The following CDK19 variants were observed in gnomAD, a reference collection of about 807,000 sequenced individuals.
CDK19 encodes the protein cyclin-dependent kinase 19.
Under a neutral mutation model 68.3 loss-of-function variants are expected in CDK19, and 20 were observed. That is an observed-to-expected ratio of 0.29 (90% CI 0.21 to 0.43). The LOEUF (loss-of-function observed/expected upper bound fraction) is 0.43, where lower values mean the gene tolerates loss of function less well. Ranked by LOEUF, CDK19 falls within the 20% of genes least tolerant of loss-of-function variation. The pLI is 1.00. For synonymous variants in CDK19, 221 were observed against 222.8 expected, an observed-to-expected ratio of 0.99 and a Z score of 0.07; for missense variants, 339 against 623.5, an observed-to-expected ratio of 0.54 and a Z score of 4.86.
chr6:110,690,018 T>G (rs567802814), intron 2 of CDK19, among the ~76,000 whole-genome samples: 1 of 152,210 alleles, frequency 6.6e-6, no homozygotes, highest in Admixed American at 6.5e-5. Context: ...ATAGTTGCAG[T>G]GCTGGGCTCA....
At chr6:110,776,369 C>T (rs1283494765) in intron 1 of CDK19, among the ~76,000 whole-genome samples, 1 of 151,270 alleles carries the variant, frequency 6.6e-6, no homozygotes, top group African/African-American at 2.4e-5. Context: ...GTGGAGGTTG[C>T]AGTGAGCCGA....
intron 2 of CDK19, among the ~76,000 whole-genome samples, chr6:110,741,301 A>T (rs1048125189): frequency 3.8e-4 from 49 of 127,448 alleles, no homozygotes; most frequent in Admixed American, 1.3e-3. Flanking sequence ...ACAAAAAATT[A>T]AAAAAAAAAA....
intron 1 of CDK19, among the ~76,000 whole-genome samples, chr6:110,757,171 C>T (rs1778895630): frequency 1.3e-5 from 2 of 152,140 alleles, no homozygotes; most frequent in African/African-American, 4.8e-5. Context: ...CCCTAAACCC[C>T]ACTGGTTGCC....
chr6:110,661,486 A>G (rs546192085), intron 4 of CDK19, among the ~76,000 whole-genome samples: 3 of 152,230 alleles, frequency 2.0e-5, no homozygotes, highest in East Asian at 1.9e-4. Flanking sequence ...ATGTTGCCAG[A>G]CAGGTGTATA....
chr6:110,729,969 G>A (rs1053719343), intron 2 of CDK19, among the ~76,000 whole-genome samples: 23 of 152,102 alleles, frequency 1.5e-4, no homozygotes, highest in South Asian at 2.1e-4. Context: ...TTGTATAACT[G>A]GGTCTCAGAC....
At chr6:110,684,508 C>T (rs1447995006) in intron 2 of CDK19, among the ~76,000 whole-genome samples, 1 of 152,000 alleles carries the variant, frequency 6.6e-6, no homozygotes, top group African/African-American at 2.4e-5. Flanking sequence ...TAGATTCTGG[C>T]TTAAAAGAAA....
intron 2 of CDK19, chr6:110,700,479 C>T (rs1312399078): frequency 6.6e-6 from 1 of 151,900 alleles, no homozygotes; most frequent in African/African-American, 2.4e-5. Flanking sequence ...TGCTGGAGAG[C>T]TCTGGTCTGC....
At chr6:110,666,708 T>C (rs1374636272) in intron 4 of CDK19, among the ~76,000 whole-genome samples, 1 of 152,098 alleles carries the variant, frequency 6.6e-6, no homozygotes, top group African/African-American at 2.4e-5. Context: ...CAAAAGATCA[T>C]GAAATCACGT....
chr6:110,795,071 G>A (rs1781848924), intron 1 of CDK19, among the ~76,000 whole-genome samples: 1 of 151,976 alleles, frequency 6.6e-6, no homozygotes, highest in Non-Finnish European at 1.5e-5. Context: ...CCCTGGCTCA[G>A]GTGTTTCTCC....
At chr6:110,738,517 C>T (rs1362087473) in intron 2 of CDK19, among the ~76,000 whole-genome samples, 1 of 151,844 alleles carries the variant, frequency 6.6e-6, no homozygotes, top group Non-Finnish European at 1.5e-5. Flanking sequence ...AAGACTCTGT[C>T]TCAAAAATAA....
intron 2 of CDK19, among the ~76,000 whole-genome samples, chr6:110,692,298 A>C (rs1445890402): frequency 6.6e-6 from 1 of 151,924 alleles, no homozygotes; most frequent in Non-Finnish European, 1.5e-5. Flanking sequence ...GTCTCAAAAA[A>C]AAAAAAAAGA....
intron 4 of CDK19, among the ~76,000 whole-genome samples, chr6:110,651,225 T>C (rs1337625843): frequency 8.5e-6 from 1 of 117,010 alleles, no homozygotes; most frequent in Non-Finnish European, 1.8e-5. Flanking sequence ...ATAGTTGAAA[T>C]AGATCTACTA....
chr6:110,698,322 A>C (rs1214436576), intron 2 of CDK19, among the ~76,000 whole-genome samples: 1 of 152,162 alleles, frequency 6.6e-6, no homozygotes, highest in Non-Finnish European at 1.5e-5. Flanking sequence ...GAAAAAAAAA[A>C]CAAATAATTC....
chr6:110,753,157 T>G (rs1778590607), intron 1 of CDK19, among the ~76,000 whole-genome samples: 1 of 152,152 alleles, frequency 6.6e-6, no homozygotes, highest in Non-Finnish European at 1.5e-5. Context: ...CTCGAATTCC[T>G]GGGCTCAAGC....
At chr6:110,730,412 T>A (rs1276009542) in intron 2 of CDK19, among the ~76,000 whole-genome samples, 2 of 152,268 alleles carry the variant, frequency 1.3e-5, no homozygotes, top group East Asian at 3.9e-4. Flanking sequence ...CAGAAGAAGT[T>A]TAAACAACAA....
chr6:110,815,197 T>C lies in CDK19; in HGVS notation c.-61A>G. 7.1e-7 allele frequency: 1 copy of C among 1,399,568 alleles called. No homozygotes were observed. The highest frequency in any genetic ancestry group is 9.4e-7 in the Non-Finnish European group (1 of 1,063,488). 86.7% of individuals were successfully genotyped at this position (1,399,568 alleles called of 1,614,324 possible). A position where few individuals can be genotyped will look rare whatever the true frequency, so the allele number is the denominator to read the frequency against. ...GCCGCCGCCGCTCAGTCCCTCCTCCTCCTCCCCCCGCGACCGCCGCTCCAC... is the reference window on the plus strand; with the variant it reads ...GCCGCCGCCGCTCAGTCCCTCCTCCCCCTCCCCCCGCGACCGCCGCTCCAC... On this transcript the variant is annotated 5_prime_UTR_variant, in exon 1 of 13. Coordinates refer to ENST00000368911, the MANE Select transcript of CDK19 (RefSeq NM_015076.5).
At chr6:110,807,303 G>A (rs1782745105) in intron 1 of CDK19, among the ~76,000 whole-genome samples, 1 of 152,110 alleles carries the variant, frequency 6.6e-6, no homozygotes, top group Admixed American at 6.6e-5. Flanking sequence ...AAAGTGTGCA[G>A]CACACTAGCA....
chr6:110,629,986 G>A lies in CDK19; in HGVS notation c.646+2044C>T, dbSNP rs116387483. 9.4e-3 allele frequency among the ~76,000 whole-genome samples: 1,436 copies of A among 152,098 alleles called. 28 individuals are homozygous for A. The highest frequency in any genetic ancestry group is 0.033 in the African/African-American group (1,364 of 41,502). On this transcript the variant is annotated intron_variant, in intron 6 of 12. Coordinates refer to ENST00000368911, the MANE Select transcript of CDK19 (RefSeq NM_015076.5). ...TATAATTGGTTTTCAACTCATATCC[G>A]ATTTCATTTATTTAAAAAAAAGCAT...
Position 110,815,356 on chromosome 6 carries a change from A to ACGGCGG in CDK19, c.-226_-221dup. The ACGGCGG allele has an allele frequency of 2.5e-6, 1 of 393,502 alleles. No individual in the cohort carries two copies. The highest frequency in any genetic ancestry group is 4.4e-6 in the Non-Finnish European group (1 of 229,726). The allele number at this position is 393,502 out of a possible 1,614,324, so 24.4% of individuals were successfully genotyped here. A position where few individuals can be genotyped will look rare whatever the true frequency, so the allele number is the denominator to read the frequency against. ...CACCTCTTCCTCCTCCTCCTCCGCGACGGCGGCGGCGGCTCCCGCAGGCAC... is the reference window on the plus strand; with the variant it reads ...CACCTCTTCCTCCTCCTCCTCCGCGACGGCGGCGGCGGCGGCGGCTCCCGCAGGCAC... On this transcript the variant is annotated 5_prime_UTR_variant, in exon 1 of 13. Coordinates refer to ENST00000368911, the MANE Select transcript of CDK19 (RefSeq NM_015076.5).
Sources: allele counts gnomAD v4.1 joint callset (sites outside exome capture counted in the v4.1 genomes callset), GRCh38; gene constraint gnomAD v4.1.1; transcripts MANE v1.5; gene names NCBI Gene and HGNC (gene_info 2026-07-23, HGNC 2026-07-21).